IWS1: variants seen among roughly 807,000 people sequenced by gnomAD.
The protein encoded by IWS1 is protein IWS1 homolog.
A neutral mutation model predicts 86.7 loss-of-function variants in IWS1; 27 were observed. The observed-to-expected ratio is 0.31, with a 90% CI of 0.23 to 0.43. The LOEUF (loss-of-function observed/expected upper bound fraction) is 0.43, where lower values mean the gene tolerates loss of function less well. Ranked by LOEUF, IWS1 falls within the 20% of genes least tolerant of loss-of-function variation. IWS1 has a pLI of 1.00. For missense variants in IWS1, 827 were observed against 1,000.8 expected (o/e 0.83, Z 2.34); for synonymous variants, 313 against 335.1 (o/e 0.93, Z 0.72).
chr2:127,511,763 T>C (rs1691465619), intron 2 of IWS1, among the ~76,000 whole-genome samples: 2 of 152,206 alleles, frequency 1.3e-5, no homozygotes, highest in South Asian at 4.1e-4. Context: ...ATGTTTGCAT[T>C]AAACATTATT....
chr2:127,519,142 A>G (rs942129334), intron 2 of IWS1, among the ~76,000 whole-genome samples: 6 of 152,330 alleles, frequency 3.9e-5, no homozygotes, highest in African/African-American at 1.4e-4. Context: ...AGCCAACCAT[A>G]CAAGAATAAA....
chr2:127,512,614 C>T (rs563888943), intron 2 of IWS1, among the ~76,000 whole-genome samples: 1 of 152,268 alleles, frequency 6.6e-6, no homozygotes, highest in Middle Eastern at 3.4e-3. Flanking sequence ...GAATTACCAC[C>T]ACCCCTATCG....
intron 2 of IWS1, among the ~76,000 whole-genome samples, chr2:127,509,270 G>T (rs930196141): frequency 6.6e-6 from 1 of 152,056 alleles, no homozygotes; most frequent in Non-Finnish European, 1.5e-5. Context: ...AAATCCAAAA[G>T]ACAGTTTTTT....
chr2:127,511,861 G>A (rs527587538), intron 2 of IWS1, among the ~76,000 whole-genome samples: 2 of 152,342 alleles, frequency 1.3e-5, no homozygotes, highest in African/African-American at 4.8e-5. Context: ...CAATGGCCAA[G>A]ACAAATCTTC....
Position 127,496,126 on chromosome 2 carries a change from CA to C in IWS1, c.1587del (p.Phe529LeufsTer3), listed in dbSNP as rs1690498913. On this transcript the variant is annotated frameshift_variant, in exon 7 of 14. Transcript: ENST00000295321. LOFTEE classifies it high-confidence loss of function. ...CTCTTTTTTCGCTGCAACATCATCT[CA>C]AAATCTGACAGAAAGTCCATACTAA... The part of the protein sequence containing the change: ...RGKHMDFLSD[F>X]EMMLQRKKSM... 1 of 1,613,362 alleles carries C rather than the reference CA, an allele frequency of 6.2e-7. No homozygotes were observed. Among genetic ancestry groups the C allele is most frequent in the African/African-American group, 1.3e-5 (1 of 74,880 alleles).
chr2:127,481,022 T>C lies in IWS1; in HGVS notation c.*22A>G. The C allele has an allele frequency of 6.3e-7, 1 of 1,596,540 alleles. No homozygotes were observed. The highest frequency in any genetic ancestry group is 8.5e-7 in the Non-Finnish European group (1 of 1,174,538). ...CATTGCGCATTTCTTAGAGTAGAGATGGGGACACATTCCAGGCAAGGTCAC... is the reference window on the plus strand; with the variant it reads ...CATTGCGCATTTCTTAGAGTAGAGACGGGGACACATTCCAGGCAAGGTCAC... On this transcript the variant is annotated 3_prime_UTR_variant, in exon 14 of 14. Transcript: ENST00000295321.
intron 9 of IWS1, among the ~76,000 whole-genome samples, chr2:127,492,413 G>A (rs762935464): frequency 6.6e-6 from 1 of 152,072 alleles, no homozygotes; most frequent in Non-Finnish European, 1.5e-5. Flanking sequence ...AGGTGTGGAG[G>A]CAGGCGCCTG....
chr2:127,491,833 G>T, intron 10 of IWS1, 138 bp downstream of exon 10: 1 of 631,006 alleles, frequency 1.6e-6, no homozygotes, highest in Non-Finnish European at 2.9e-6. Flanking sequence ...GTACCTGTAA[G>T]AAGTTATTCA....
intron 2 of IWS1, among the ~76,000 whole-genome samples, chr2:127,519,069 G>A (rs1034952364): frequency 6.7e-6 from 1 of 149,740 alleles, no homozygotes; most frequent in African/African-American, 2.5e-5. Context: ...CATTCATTTT[G>A]AGTTTTAAAA....
rs778175776 is a variant in IWS1 at position 127,503,591 on chromosome 2, AATC to A, written c.1220-18_1220-16del. 9.0e-6 allele frequency: 14 copies of A among 1,550,660 alleles called. No homozygotes were observed. In the East Asian group the frequency reaches 2.5e-4, roughly 28 times the overall value. On this transcript the variant is annotated splice_polypyrimidine_tract_variant and intron_variant, in intron 3 of 13. Coordinates refer to ENST00000295321, the MANE Select transcript of IWS1 (RefSeq NM_017969.3). ...CTTCTTTGCTGCTGTTGAAAAAGAAAATCATCATTAATTTTATTTTATCACAGC... is the reference window on the plus strand; with the variant it reads ...CTTCTTTGCTGCTGTTGAAAAAGAAAATCATTAATTTTATTTTATCACAGC...
At position 127,525,085 on chromosome 2, in the gene IWS1, C is replaced by T. The variant is rs888981231; in HGVS notation, c.34+1090G>A. Among the ~76,000 whole-genome samples the T allele has an allele frequency of 3.0e-5, 3 of 98,540 alleles. No homozygotes were observed. In the South Asian group the frequency reaches 9.3e-4, roughly 31 times the overall value. The allele number at this position is 98,540 out of a possible 152,430, so 64.6% of individuals were successfully genotyped here. On this transcript the variant is annotated intron_variant, in intron 1 of 13. Coordinates refer to ENST00000295321, the MANE Select transcript of IWS1 (RefSeq NM_017969.3). ...TAATTTTTGCATTTTTTTGTAGAGACGAAGTAGGGGGGTGGGGTAGGGGCG... is the reference window on the plus strand; with the variant it reads ...TAATTTTTGCATTTTTTTGTAGAGATGAAGTAGGGGGGTGGGGTAGGGGCG...
intron 13 of IWS1, 51 bp from the exon 14 acceptor site, chr2:127,481,226 A>C (rs751070474): frequency 6.5e-7 from 1 of 1,532,116 alleles, no homozygotes; most frequent in Non-Finnish European, 8.7e-7. Context: ...ACGTAAGTCT[A>C]GTTATGTCTT....
intron 9 of IWS1, chr2:127,492,810 T>G (rs894113383): frequency 6.6e-6 from 1 of 152,372 alleles, no homozygotes; most frequent in Non-Finnish European, 1.5e-5. Flanking sequence ...ACCTACCTTC[T>G]CAGTTTACTG....
intron 2 of IWS1, among the ~76,000 whole-genome samples, chr2:127,519,114 T>C (rs1312860708): frequency 6.6e-6 from 1 of 152,110 alleles, no homozygotes; most frequent in Non-Finnish European, 1.5e-5. Context: ...GTTTTTCAAA[T>C]CTTGGAGAAA....
At chr2:127,525,775 A>C (rs1864553) in intron 1 of IWS1, among the ~76,000 whole-genome samples, 1 of 151,988 alleles carries the variant, frequency 6.6e-6, no homozygotes, top group Non-Finnish European at 1.5e-5. Flanking sequence ...CGGTGTTGCA[A>C]GCAAGATTAA....
intron 6 of IWS1, among the ~76,000 whole-genome samples, chr2:127,496,653 C>T (rs532559158): frequency 2.6e-5 from 4 of 152,004 alleles, no homozygotes; most frequent in South Asian, 2.1e-4. Flanking sequence ...CATAGTTCAC[C>T]GTAGCCTCAA....
At chr2:127,503,085 G>A (rs1690905109) in intron 4 of IWS1, among the ~76,000 whole-genome samples, 1 of 152,084 alleles carries the variant, frequency 6.6e-6, no homozygotes, top group South Asian at 2.1e-4. Context: ...CTTCTAGCTG[G>A]TCCCCAATAT....
At position 127,499,585 on chromosome 2, in the gene IWS1, A is replaced by C. The variant is rs1435914658; in HGVS notation, c.1468-1348T>G. ...ATTCTTACAATATGGTGCTTAACTAAGTATGAGCTCCATGAAGGCAGTGTC... is the reference window on the plus strand; with the variant it reads ...ATTCTTACAATATGGTGCTTAACTACGTATGAGCTCCATGAAGGCAGTGTC... On this transcript the variant is annotated intron_variant, in intron 5 of 13. Coordinates refer to ENST00000295321, the MANE Select transcript of IWS1 (RefSeq NM_017969.3). The surrounding 1 kb of genome is among the most constrained non-coding windows in gnomAD (Gnocchi z 4.0). Among the ~76,000 whole-genome samples, 4 of 152,212 alleles carry C rather than the reference A, an allele frequency of 2.6e-5. No homozygotes were observed. The highest frequency in any genetic ancestry group is 5.9e-5 in the Non-Finnish European group (4 of 68,034).
chr2:127,488,323 G>A (rs1423388124), intron 12 of IWS1, among the ~76,000 whole-genome samples: 1 of 152,188 alleles, frequency 6.6e-6, no homozygotes, highest in Non-Finnish European at 1.5e-5. Flanking sequence ...AATATTTATA[G>A]GGCTATCTCA....
Sources: allele counts gnomAD v4.1 joint callset (sites outside exome capture counted in the v4.1 genomes callset), GRCh38; gene constraint gnomAD v4.1.1; non-coding constraint Gnocchi (gnomAD v3.1); transcripts MANE v1.5; gene names NCBI Gene and HGNC (gene_info 2026-07-23, HGNC 2026-07-21).